Variants in PTPN3 observed in about 807,000 individuals in gnomAD.
The protein encoded by PTPN3 is protein tyrosine phosphatase non-receptor type 3, also known as tyrosine-protein phosphatase non-receptor type 3.
PTPN3 carries 96 observed loss-of-function variants against 132.7 expected under a neutral mutation model. That is an observed-to-expected ratio of 0.72 (90% CI 0.61 to 0.86). The LOEUF is 0.86. PTPN3 is among the 40% of genes least tolerant of loss of function. The pLI is 0.00. For missense variants in PTPN3, 1,125 were observed against 1,159.6 expected, an observed-to-expected ratio of 0.97 and a Z score of 0.43; for synonymous variants, 398 against 429.0, an observed-to-expected ratio of 0.93 and a Z score of 0.89.
intron 12 of PTPN3, among the ~76,000 whole-genome samples, chr9:109,425,483 G>A (rs1843184192): frequency 6.6e-6 from 1 of 152,146 alleles, no homozygotes; most frequent in South Asian, 2.1e-4. Flanking sequence ...GGCCGAGGCA[G>A]GCAGATCACC....
the PTPN3 span, among the ~76,000 whole-genome samples, chr9:109,518,116 C>G: frequency 7.4e-3 from 845 of 114,262 alleles, 14 homozygotes; most frequent in African/African-American, 0.024. Flanking sequence ...GCTCAGGTCT[C>G]TCTAAGTAAT....
intron 22 of PTPN3, among the ~76,000 whole-genome samples, chr9:109,383,817 G>C (rs989369473): frequency 6.6e-6 from 1 of 152,094 alleles, no homozygotes; most frequent in Admixed American, 6.5e-5. Flanking sequence ...GGGGCCACTC[G>C]CTGGAAGAGC....
intron 14 of PTPN3, among the ~76,000 whole-genome samples, chr9:109,415,316 C>T (rs1176864764): frequency 6.6e-6 from 1 of 151,952 alleles, no homozygotes. Context: ...TGTGTAAGGC[C>T]AGGAGAGGCT....
At chr9:109,454,376 T>C (rs1588455634) in intron 5 of PTPN3, 120 bp downstream of exon 5, 1 of 833,092 alleles carries the variant, frequency 1.2e-6, no homozygotes, top group Non-Finnish European at 2.0e-6. Context: ...TGGATCATCA[T>C]TGTTGGTGTA....
intron 1 of PTPN3, among the ~76,000 whole-genome samples, chr9:109,469,051 C>T (rs1846240742): frequency 6.6e-6 from 1 of 152,200 alleles, no homozygotes; most frequent in East Asian, 1.9e-4. Context: ...GAACCAGAAG[C>T]AGTAGCATGC....
chr9:109,519,001 C>G, the PTPN3 span, among the ~76,000 whole-genome samples: 1 of 152,110 alleles, frequency 6.6e-6, no homozygotes, highest in African/African-American at 2.4e-5. Context: ...CTGGAGCCCC[C>G]TAACTTCTCC....
At chr9:109,470,801 A>T (rs1359869838) in intron 1 of PTPN3, among the ~76,000 whole-genome samples, 1 of 152,146 alleles carries the variant, frequency 6.6e-6, no homozygotes, top group African/African-American at 2.4e-5. Flanking sequence ...TCAAGATATT[A>T]AAAAAATAGT....
intron 14 of PTPN3, among the ~76,000 whole-genome samples, chr9:109,411,768 C>G (rs1842093489): frequency 6.6e-6 from 1 of 152,122 alleles, no homozygotes; most frequent in African/African-American, 2.4e-5. Context: ...AATATAAAAT[C>G]TGTATCATAG....
At chr9:109,455,423 A>G (rs780872732) in intron 4 of PTPN3, among the ~76,000 whole-genome samples, 8 of 152,116 alleles carry the variant, frequency 5.3e-5, no homozygotes, top group Non-Finnish European at 1.0e-4. Context: ...GCTCTCTGCA[A>G]CTCAAGTCCT....
At chr9:109,515,523 C>T in the PTPN3 span, among the ~76,000 whole-genome samples, 1 of 152,248 alleles carries the variant, frequency 6.6e-6, no homozygotes, top group Non-Finnish European at 1.5e-5. Context: ...CCGAAAGAGC[C>T]CAACTGTGTT....
rs1274751670 is a variant in PTPN3, at chr9:109,420,589, C to T, written c.1148G>A (p.Arg383Gln). The change falls in exon 14 of 26, where the codon CGG (arginine) becomes CAG (glutamine). Residue 383 changes from arginine to glutamine, a missense_variant. Transcript: ENST00000374541. ...PPITPNWRSP[R>Q]LRHEIRKPRH... The stretch of plus-strand genomic sequence containing the variant: ...TGGCTTTCGGATTTCGTGCCGGAGC[C>T]GAGGACTTCGCCTGGGTGGGAAAAA... 7 of 1,607,772 alleles carry T rather than the reference C, an allele frequency of 4.4e-6. No individual in the cohort carries two copies. In the South Asian group the frequency reaches 4.4e-5, roughly 10 times the overall value.
At chr9:109,383,823 A>G (rs1377861604) in intron 22 of PTPN3, among the ~76,000 whole-genome samples, 3 of 152,082 alleles carry the variant, frequency 2.0e-5, no homozygotes, top group Non-Finnish European at 4.4e-5. Context: ...ACTCGCTGGA[A>G]GAGCACCAGT....
At position 109,383,547 on chromosome 9, in the gene PTPN3, T is replaced by C; in HGVS notation, c.2258A>G (p.Lys753Arg). 5 of 1,613,748 alleles carry C rather than the reference T, an allele frequency of 3.1e-6. No individual in the cohort carries two copies. The highest frequency in any genetic ancestry group is 4.2e-6 in the Non-Finnish European group (5 of 1,179,916). ...GGGATCTGGCCAGTACTGGTGACAT[T>C]TGGTCTGTAAGAAACCACCGAGAGT... ...LTTLTERGRT[K>R]CHQYWPDPPD... Residue 753 changes from lysine to arginine, a missense_variant, in exon 23 of 26, where the codon AAA (lysine) becomes AGA (arginine). Coordinates refer to ENST00000374541, the MANE Select transcript of PTPN3 (RefSeq NM_002829.4).
the PTPN3 span, among the ~76,000 whole-genome samples, chr9:109,510,570 A>ATAT: frequency 5.1e-5 from 4 of 78,498 alleles, no homozygotes; most frequent in Non-Finnish European, 7.6e-5. Context: ...AAAAAAAAAA[A>ATAT]AAAAAAATAT....
intron 18 of PTPN3, among the ~76,000 whole-genome samples, 168 bp downstream of exon 18, chr9:109,406,294 T>G (rs994697006): frequency 1.3e-5 from 2 of 152,182 alleles, no homozygotes; most frequent in Non-Finnish European, 2.9e-5. Context: ...GGGGCAGATC[T>G]TCACATTTTT....
chr9:109,492,881 C>G (rs1211213781), intron 1 of PTPN3, among the ~76,000 whole-genome samples: 1 of 152,222 alleles, frequency 6.6e-6, no homozygotes, highest in Non-Finnish European at 1.5e-5. Context: ...AAGAGCTTCT[C>G]TAGTGCCGAT....
chr9:109,463,087 C>T (rs1845927931), intron 2 of PTPN3, among the ~76,000 whole-genome samples: 1 of 151,254 alleles, frequency 6.6e-6, no homozygotes. Flanking sequence ...GTTCACACCA[C>T]ACAGAAGGGC....
rs1250799438 is a variant in PTPN3 at position 109,427,069 on chromosome 9, G to C, written c.882C>G (p.Cys294Trp). ...VAFNMLNYRSCKNLWKSCVEH... is the reference protein window; with the variant it reads ...VAFNMLNYRSWKNLWKSCVEH... ...CAACACAGGATTTCCACAAGTTTTT[G>C]CAAGATCGGTAATTCAGCATGTTGA... Residue 294 changes from cysteine to tryptophan, a missense_variant, in exon 12 of 26, where the codon TGC becomes TGG. Transcript: ENST00000374541. 6 of 1,614,098 alleles carry C rather than the reference G, an allele frequency of 3.7e-6. No individual in the cohort carries two copies. Among genetic ancestry groups the C allele is most frequent in the East Asian group, 2.2e-5 (1 of 44,872 alleles).
chr9:109,499,504 C>G (rs1457135839), upstream of PTPN3, among the ~76,000 whole-genome samples: 4 of 152,182 alleles, frequency 2.6e-5, no homozygotes, highest in Admixed American at 1.3e-4. Flanking sequence ...TGTTGTATTT[C>G]CCTCCTAAAT....
Sources: gnomAD v4.1 joint callset for allele counts (sites outside exome capture counted in the v4.1 genomes callset) on GRCh38, gnomAD v4.1.1 for gene constraint, MANE v1.5 for transcripts, NCBI Gene and HGNC (gene_info 2026-07-23, HGNC 2026-07-21) for gene names.